The following APP variants were observed in gnomAD, a reference collection of about 807,000 sequenced individuals.
APP encodes amyloid-beta precursor protein.
In APP, 31 loss-of-function variants were observed where a neutral mutation model predicts 101.4. The ratio of observed to expected loss-of-function variants is 0.31; its 90% CI spans 0.23 to 0.41. The LOEUF is 0.41. Among genes scored for constraint, APP ranks in the 10% least tolerant of loss-of-function variants. The pLI, the probability that APP is intolerant of heterozygous loss-of-function variation, is 1.00. For synonymous variants in APP, 366 were observed against 364.4 expected (o/e 1.00, Z -0.05); for missense variants, 839 against 1,003.7 (o/e 0.84, Z 2.22).
chr21:25,925,429 C>T (rs1175133426), intron 13 of APP, among the ~76,000 whole-genome samples: 1 of 152,176 alleles, frequency 6.6e-6, no homozygotes, highest in Non-Finnish European at 1.5e-5. Flanking sequence ...ACTCTTGCTA[C>T]ATGGGTGTTC....
chr21:25,994,325 G>T (rs541304003), intron 8 of APP, among the ~76,000 whole-genome samples: 1 of 152,178 alleles, frequency 6.6e-6, no homozygotes, highest in South Asian at 2.1e-4. Flanking sequence ...TCCCAAATGA[G>T]AAAGGGTTTT....
intron 2 of APP, among the ~76,000 whole-genome samples, chr21:26,102,088 T>G (rs1268678376): frequency 1.4e-5 from 1 of 70,126 alleles, no homozygotes; most frequent in African/African-American, 6.2e-5. Flanking sequence ...TGTGGTTTTT[T>G]TTTTTTTTTT....
chr21:26,066,830 A>C (rs1170245426), intron 3 of APP, among the ~76,000 whole-genome samples: 2 of 152,188 alleles, frequency 1.3e-5, no homozygotes. Flanking sequence ...CTAGATTTGA[A>C]AACAACACAA....
intron 1 of APP, among the ~76,000 whole-genome samples, chr21:26,129,347 T>TGA (rs2062746338): frequency 6.6e-6 from 1 of 151,970 alleles, no homozygotes; most frequent in African/African-American, 2.4e-5. Flanking sequence ...GGCAGCTGCC[T>TGA]GTAATCCCAG....
chr21:26,113,434 G>A (rs141412505), intron 1 of APP, among the ~76,000 whole-genome samples: 4 of 152,142 alleles, frequency 2.6e-5, no homozygotes, highest in Middle Eastern at 6.8e-3. Flanking sequence ...CACATACTTC[G>A]TCAAAACCCA....
At chr21:25,942,851 C>T (rs1201270112) in intron 13 of APP, among the ~76,000 whole-genome samples, 2 of 152,106 alleles carry the variant, frequency 1.3e-5, no homozygotes, top group Non-Finnish European at 2.9e-5. Context: ...TTTCACGATG[C>T]TGTGCAATGT....
At chr21:25,952,187 TACATAC>T (rs1187985574) in intron 13 of APP, among the ~76,000 whole-genome samples, 4 of 111,200 alleles carry the variant, frequency 3.6e-5, no homozygotes, top group African/African-American at 1.2e-4. Flanking sequence ...GCATATTACA[TACATAC>T]ACACACACAC....
chr21:25,915,213 C>A (rs1003923724), intron 13 of APP, among the ~76,000 whole-genome samples: 7 of 152,226 alleles, frequency 4.6e-5, no homozygotes, highest in Non-Finnish European at 8.8e-5. Context: ...AAAGACCATG[C>A]ATACCCATTC....
intron 12 of APP, among the ~76,000 whole-genome samples, chr21:25,955,169 TA>T (rs2041261783): frequency 6.6e-6 from 1 of 152,144 alleles, no homozygotes; most frequent in Admixed American, 6.5e-5. Flanking sequence ...CAAGAAAATG[TA>T]AAATTTCACA....
intron 13 of APP, among the ~76,000 whole-genome samples, chr21:25,916,522 G>A (rs2039356750): frequency 1.3e-5 from 2 of 152,174 alleles, no homozygotes; most frequent in African/African-American, 4.8e-5. Context: ...TTCATTCTGA[G>A]TGGGACTTTC....
chr21:25,896,598 C>T (rs545527595), intron 16 of APP, among the ~76,000 whole-genome samples: 8 of 152,228 alleles, frequency 5.3e-5, no homozygotes, highest in South Asian at 4.2e-4. Context: ...ACATAATCCA[C>T]GATTTGATTT....
intron 2 of APP, among the ~76,000 whole-genome samples, chr21:26,109,027 A>C (rs2830057): frequency 0.45 from 68,327 of 152,136 alleles, 17,090 homozygotes; most frequent in East Asian, 0.62. Flanking sequence ...TATGGCGCCT[A>C]ATGTTGAAGA....
chr21:26,124,522 T>G (rs1180246016), intron 1 of APP, among the ~76,000 whole-genome samples: 2 of 152,226 alleles, frequency 1.3e-5, no homozygotes, highest in African/African-American at 4.8e-5. Context: ...CTCCAAGAAT[T>G]ACATAAACAG....
intron 2 of APP, among the ~76,000 whole-genome samples, chr21:26,103,005 C>T (rs1164701671): frequency 1.3e-5 from 2 of 150,588 alleles, no homozygotes; most frequent in Non-Finnish European, 3.0e-5. Context: ...AGAGGAAAAG[C>T]ACTGTTTTCT....
At chr21:25,906,939 C>A (rs2038823601) in intron 14 of APP, among the ~76,000 whole-genome samples, 1 of 152,168 alleles carries the variant, frequency 6.6e-6, no homozygotes, top group Non-Finnish European at 1.5e-5. Context: ...GGTTTAAATG[C>A]AGGCTGAGGA....
intron 1 of APP, among the ~76,000 whole-genome samples, chr21:26,166,808 A>G (rs773074474): frequency 2.7e-5 from 4 of 148,660 alleles, no homozygotes; most frequent in African/African-American, 5.0e-5. Flanking sequence ...TGACCTCTCA[A>G]CTCCTTATTT....
At chr21:25,967,444 G>C (rs1408393603) in intron 11 of APP, among the ~76,000 whole-genome samples, 2 of 152,158 alleles carry the variant, frequency 1.3e-5, no homozygotes, top group Admixed American at 1.3e-4. Context: ...GAAAGATTTA[G>C]ACTAAGTATC....
chr21:25,918,043 C>G (rs1339186684), intron 13 of APP, among the ~76,000 whole-genome samples: 3 of 152,036 alleles, frequency 2.0e-5, no homozygotes, highest in African/African-American at 7.2e-5. Context: ...CAGATGCTGG[C>G]GAGGATGCGG....
intron 13 of APP, chr21:25,933,991 C>A (rs1368036042): frequency 6.6e-6 from 1 of 152,094 alleles, no homozygotes; most frequent in Non-Finnish European, 1.5e-5. Flanking sequence ...AGAATACAGC[C>A]TTACTTGGAA....
Sources: allele counts gnomAD v4.1 joint callset (sites outside exome capture counted in the v4.1 genomes callset), GRCh38; gene constraint gnomAD v4.1.1; transcripts MANE v1.5; gene names NCBI Gene and HGNC (gene_info 2026-07-23, HGNC 2026-07-21).